RIMS2: variants seen among roughly 807,000 people sequenced by gnomAD.
The protein encoded by RIMS2 is regulating synaptic membrane exocytosis 2.
A neutral mutation model predicts 174.4 loss-of-function variants in RIMS2; 59 were observed. The observed-to-expected ratio is 0.34, with a 90% CI of 0.27 to 0.42. The LOEUF (loss-of-function observed/expected upper bound fraction) is 0.42. Among genes scored for constraint, RIMS2 ranks in the 10% least tolerant of loss-of-function variants. The probability of loss-of-function intolerance (pLI) is 1.00; values close to 1 mark genes in which losing one functional copy is unlikely to be tolerated. For synonymous variants in RIMS2, 606 were observed against 572.5 expected, an observed-to-expected ratio of 1.06 and a Z score of -0.84; for missense variants, 1,620 against 1,666.3, an observed-to-expected ratio of 0.97 and a Z score of 0.48.
intron 3 of RIMS2, among the ~76,000 whole-genome samples, chr8:103,780,355 C>G (rs1166496959): frequency 2.0e-5 from 3 of 152,124 alleles, no homozygotes; most frequent in Non-Finnish European, 4.4e-5. Flanking sequence ...GTTCAACTCC[C>G]TCTTAGACAC....
intron 2 of RIMS2, among the ~76,000 whole-genome samples, chr8:103,757,790 T>C (rs1465105529): frequency 6.6e-6 from 1 of 152,148 alleles, no homozygotes; most frequent in Non-Finnish European, 1.5e-5. Context: ...GAAGGCGATG[T>C]GAAGATTTAA....
rs531523061 is a variant in RIMS2 at position 103,572,503 on chromosome 8, G to A, written c.176+71441G>A. On this transcript the variant is annotated intron_variant, in intron 1 of 23. Transcript: ENST00000504942. ...TGCTTTCTACAGGGGCTGAACTAAT[G>A]GACATTCACACCAACAGTATGTAAG... 2.6e-5 allele frequency among the ~76,000 whole-genome samples: 4 copies of A among 152,126 alleles called. No individual in the cohort carries two copies. In the South Asian group the frequency reaches 8.3e-4, roughly 32 times the overall value.
intron 1 of RIMS2, among the ~76,000 whole-genome samples, chr8:103,623,676 A>C (rs1275269840): frequency 4.0e-5 from 6 of 151,360 alleles, no homozygotes; most frequent in Non-Finnish European, 7.4e-5. Context: ...TTTTTAGTAG[A>C]GACGGGGTTT....
intron 1 of RIMS2, among the ~76,000 whole-genome samples, chr8:103,682,783 A>G (rs1394792926): frequency 2.0e-5 from 3 of 152,114 alleles, no homozygotes; most frequent in Non-Finnish European, 4.4e-5. Flanking sequence ...TAGTACCTCA[A>G]ATTACTGTCT....
At chr8:103,766,320 C>A (rs2154424221) in exon 3 of RIMS2, 1 of 1,612,718 alleles carries the variant, frequency 6.2e-7, no homozygotes, top group Non-Finnish European at 8.5e-7. Flanking sequence ...TACACCACAG[C>A]AACCTGATCA....
At chr8:103,673,388 A>C (rs377469958) in intron 1 of RIMS2, among the ~76,000 whole-genome samples, 2 of 152,186 alleles carry the variant, frequency 1.3e-5, no homozygotes, top group East Asian at 1.9e-4. Flanking sequence ...ATTCTCTGTG[A>C]GGGCTCCACT....
Position 104,070,778 on chromosome 8 carries a change from AG to A in RIMS2, c.3334+56164del, listed in dbSNP as rs565905218. ...AGATGATTTATAAAAATACTTATAT[AG>A]TCTCAATAATATTGTCAGTGAAGAA... On this transcript the variant is annotated intron_variant, in intron 19 of 23. Coordinates refer to ENST00000504942, the Ensembl canonical transcript of RIMS2. Among the ~76,000 whole-genome samples the A allele has an allele frequency of 2.6e-3, 394 of 152,352 alleles. 1 individual carries two copies. Among genetic ancestry groups the A allele is most frequent in the Middle Eastern group, 0.014 (4 of 294 alleles).
chr8:103,662,007 T>A (rs1443484573), intron 1 of RIMS2, among the ~76,000 whole-genome samples: 1 of 152,344 alleles, frequency 6.6e-6, no homozygotes, highest in Non-Finnish European at 1.5e-5. Context: ...GGGTGTCCAA[T>A]CTTTTGGCTT....
chr8:103,601,569 AG>A (rs1199433548), intron 1 of RIMS2, among the ~76,000 whole-genome samples: 1 of 151,990 alleles, frequency 6.6e-6, no homozygotes, highest in African/African-American at 2.4e-5. Context: ...ATATAGGTGA[AG>A]TGTGTTTCTT....
intron 1 of RIMS2, among the ~76,000 whole-genome samples, chr8:103,610,670 G>A (rs779479174): frequency 6.6e-6 from 1 of 152,114 alleles, no homozygotes; most frequent in Non-Finnish European, 1.5e-5. Flanking sequence ...TGCATCCCAC[G>A]GCTAAAACCA....
At chr8:104,145,303 A>C (rs115627465) in intron 19 of RIMS2, among the ~76,000 whole-genome samples, 2,895 of 152,164 alleles carry the variant, frequency 0.019, 91 homozygotes, top group African/African-American at 0.066. Context: ...TTAGAAATCT[A>C]TCACTGAGAT....
chr8:104,247,438 T>A (rs1315613429), intron 20 of RIMS2, among the ~76,000 whole-genome samples: 1 of 152,116 alleles, frequency 6.6e-6, no homozygotes, highest in African/African-American at 2.4e-5. Flanking sequence ...AGGACATGGG[T>A]CATATTGGAT....
chr8:103,943,685 C>T (rs913493618), intron 14 of RIMS2, among the ~76,000 whole-genome samples: 3 of 152,102 alleles, frequency 2.0e-5, no homozygotes, highest in Admixed American at 6.5e-5. Flanking sequence ...GTAGGCTTTT[C>T]GCCCCTAAAA....
intron 1 of RIMS2, among the ~76,000 whole-genome samples, chr8:103,609,739 T>C (rs1216181859): frequency 1.3e-5 from 2 of 152,186 alleles, no homozygotes; most frequent in Non-Finnish European, 2.9e-5. Flanking sequence ...ATGGTAGCCT[T>C]GTATAGTTTG....
At chr8:103,928,974 A>C (rs2079337520) in intron 11 of RIMS2, among the ~76,000 whole-genome samples, 1 of 151,622 alleles carries the variant, frequency 6.6e-6, no homozygotes, top group Non-Finnish European at 1.5e-5. Flanking sequence ...TGTTTTGATT[A>C]TGTGAACTGG....
chr8:104,227,172 C>T (rs2099193012), intron 19 of RIMS2, among the ~76,000 whole-genome samples: 1 of 148,398 alleles, frequency 6.7e-6, no homozygotes, highest in African/African-American at 2.5e-5. Flanking sequence ...TTAAGATTGT[C>T]GATGGTCTTT....
intron 2 of RIMS2, among the ~76,000 whole-genome samples, chr8:103,709,628 G>T (rs1340329950): frequency 6.6e-6 from 1 of 151,998 alleles, no homozygotes; most frequent in Non-Finnish European, 1.5e-5. Context: ...TTCCAGTCTT[G>T]CTGGTAGGAA....
intron 1 of RIMS2, among the ~76,000 whole-genome samples, chr8:103,634,704 G>T (rs2135343291): frequency 6.6e-6 from 1 of 152,276 alleles, no homozygotes; most frequent in East Asian, 1.9e-4. Flanking sequence ...TTGCTCCTGT[G>T]TTGGGTGCAT....
intron 17 of RIMS2, among the ~76,000 whole-genome samples, chr8:104,004,874 G>A (rs1438421863): frequency 7.0e-6 from 1 of 143,266 alleles, no homozygotes. Flanking sequence ...TGCTAATAGA[G>A]AGAAATTAAG....
Sources: allele counts gnomAD v4.1 joint callset (sites outside exome capture counted in the v4.1 genomes callset), GRCh38; gene constraint gnomAD v4.1.1; transcripts MANE v1.5; gene names NCBI Gene and HGNC (gene_info 2026-07-23, HGNC 2026-07-21).